Variants in GALNT13 observed in about 807,000 individuals in gnomAD.
GALNT13 encodes the protein UDP-GalNAc:polypeptide N-acetylgalactosaminyltransferase 13.
Under a neutral mutation model 64.2 loss-of-function variants are expected in GALNT13, and 28 were observed. That is an observed-to-expected ratio of 0.44 (90% CI 0.32 to 0.60). GALNT13 has a LOEUF of 0.60. Ranked by LOEUF, GALNT13 falls within the 20% of genes least tolerant of loss-of-function variation. GALNT13 has a pLI of 0.05. For synonymous variants in GALNT13, 214 were observed against 224.6 expected, an observed-to-expected ratio of 0.95 and a Z score of 0.42; for missense variants, 577 against 669.8, an observed-to-expected ratio of 0.86 and a Z score of 1.53.
chr2:153,738,584 G>A, the GALNT13 span, among the ~76,000 whole-genome samples: 1 of 151,432 alleles, frequency 6.6e-6, no homozygotes, highest in Non-Finnish European at 1.5e-5. Flanking sequence ...ATTTACATTG[G>A]TTTATGCTTT....
chr2:153,535,333 C>T, the GALNT13 span, among the ~76,000 whole-genome samples: 6 of 152,112 alleles, frequency 3.9e-5, no homozygotes, highest in African/African-American at 1.2e-4. Flanking sequence ...TCAGCATAGT[C>T]CTGCCAGCAA....
chr2:153,698,827 A>C, the GALNT13 span, among the ~76,000 whole-genome samples: 6 of 152,362 alleles, frequency 3.9e-5, no homozygotes, highest in African/African-American at 1.4e-4. Flanking sequence ...AATCAACTGC[A>C]TAATTGGAAG....
upstream of GALNT13, among the ~76,000 whole-genome samples, chr2:153,867,995 C>T (rs1437658535): frequency 6.6e-6 from 1 of 152,090 alleles, no homozygotes; most frequent in African/African-American, 2.4e-5. Context: ...GTCTGTGGTT[C>T]GGGGGTTGCA....
intron 3 of GALNT13, among the ~76,000 whole-genome samples, chr2:153,967,756 C>G (rs771734855): frequency 5.9e-5 from 9 of 152,062 alleles, no homozygotes; most frequent in Non-Finnish European, 1.2e-4. Context: ...TACTGTCTGT[C>G]TGCCCCGGAT....
chr2:154,053,221 C>T lies in GALNT13; in HGVS notation c.143-87116C>T, dbSNP rs2105351197. On this transcript the variant is annotated intron_variant, in intron 3 of 12. Coordinates refer to ENST00000392825, the MANE Select transcript of GALNT13 (RefSeq NM_052917.4). Reference sequence around the variant, plus strand: ...AACTTGGAGGAAGAATCTTGAGTTCCAAAACTGGATTTCTGTGAACTGGTT... The same window carrying T: ...AACTTGGAGGAAGAATCTTGAGTTCTAAAACTGGATTTCTGTGAACTGGTT... 2.0e-5 allele frequency among the ~76,000 whole-genome samples: 3 copies of T among 152,102 alleles called. No homozygotes were observed. In the Middle Eastern group the frequency reaches 0.01, roughly 517 times the overall value.
chr2:154,208,655 TG>T (rs1324221655), intron 4 of GALNT13, among the ~76,000 whole-genome samples: 10 of 142,150 alleles, frequency 7.0e-5, no homozygotes, highest in African/African-American at 2.3e-4. Context: ...TGTGTGTGTG[TG>T]TGTGTGTGTG....
At chr2:153,564,622 T>A in the GALNT13 span, among the ~76,000 whole-genome samples, 5 of 151,878 alleles carry the variant, frequency 3.3e-5, no homozygotes, top group African/African-American at 4.8e-5. Flanking sequence ...TTAAAAACAT[T>A]ATTGTTTCTG....
chr2:153,260,100 G>A, the GALNT13 span, among the ~76,000 whole-genome samples: 1 of 151,964 alleles, frequency 6.6e-6, no homozygotes, highest in African/African-American at 2.4e-5. Context: ...ACAACTCTAA[G>A]TTTAGCTTTT....
chr2:154,078,792 G>A (rs1701120515), intron 3 of GALNT13, among the ~76,000 whole-genome samples: 1 of 151,520 alleles, frequency 6.6e-6, no homozygotes, highest in Admixed American at 6.6e-5. Context: ...GGTAAATATA[G>A]AAGTTGATAG....
the GALNT13 span, among the ~76,000 whole-genome samples, chr2:153,309,783 A>G: frequency 6.6e-6 from 1 of 152,152 alleles, no homozygotes; most frequent in Non-Finnish European, 1.5e-5. Context: ...TTTACAAATT[A>G]GAGAATAATT....
intron 3 of GALNT13, among the ~76,000 whole-genome samples, chr2:154,089,513 G>T (rs7587580): frequency 0.2 from 30,496 of 151,952 alleles, 4,001 homozygotes; most frequent in Middle Eastern, 0.32. Flanking sequence ...AGCCATTGTT[G>T]CCTGGAAGAG....
the GALNT13 span, among the ~76,000 whole-genome samples, chr2:153,811,913 A>C: frequency 6.6e-6 from 1 of 152,168 alleles, no homozygotes; most frequent in Non-Finnish European, 1.5e-5. Context: ...ATCTCTTTTT[A>C]AATTGAGATA....
intron 3 of GALNT13, among the ~76,000 whole-genome samples, chr2:154,127,741 T>C (rs1421896462): frequency 6.7e-6 from 1 of 149,938 alleles, no homozygotes; most frequent in Non-Finnish European, 1.5e-5. Context: ...TATATGTGTA[T>C]ATGTGCATAT....
the GALNT13 span, among the ~76,000 whole-genome samples, chr2:153,251,285 T>C: frequency 1.3e-5 from 2 of 152,168 alleles, no homozygotes; most frequent in African/African-American, 2.4e-5. Flanking sequence ...TAATTGTAAT[T>C]GATATGTTAA....
chr2:153,566,355 T>TTG, the GALNT13 span, among the ~76,000 whole-genome samples: 53 of 68,236 alleles, frequency 7.8e-4, 2 homozygotes, highest in Non-Finnish European at 1.1e-3. Context: ...CACGTTTTTT[T>TTG]TTTTTTTTTT....
chr2:153,814,576 G>A, the GALNT13 span, among the ~76,000 whole-genome samples: 1 of 152,166 alleles, frequency 6.6e-6, no homozygotes, highest in Non-Finnish European at 1.5e-5. Context: ...TTTGAATACA[G>A]CAGCCACAAA....
chr2:153,460,273 A>G, the GALNT13 span, among the ~76,000 whole-genome samples: 1 of 152,270 alleles, frequency 6.6e-6, no homozygotes, highest in Middle Eastern at 3.4e-3. Context: ...CATATAGTAT[A>G]ATTTTATTTT....
chr2:153,955,723 C>A (rs1363735485), intron 3 of GALNT13, among the ~76,000 whole-genome samples: 1 of 152,128 alleles, frequency 6.6e-6, no homozygotes, highest in Non-Finnish European at 1.5e-5. Context: ...CAAGGGCAAG[C>A]CAGAGGTGGA....
the GALNT13 span, among the ~76,000 whole-genome samples, chr2:153,728,630 G>A: frequency 6.6e-6 from 1 of 151,968 alleles, no homozygotes; most frequent in Non-Finnish European, 1.5e-5. Flanking sequence ...CAGAAGACAA[G>A]AAATAAGTAA....
Sources: gnomAD v4.1 joint callset for allele counts (sites outside exome capture counted in the v4.1 genomes callset) on GRCh38, gnomAD v4.1.1 for gene constraint, MANE v1.5 for transcripts, NCBI Gene and HGNC (gene_info 2026-07-23, HGNC 2026-07-21) for gene names.